THSD4: variants seen among roughly 807,000 people sequenced by gnomAD.
The protein encoded by THSD4 is thrombospondin type-1 domain-containing protein 4.
A neutral mutation model predicts 119.0 loss-of-function variants in THSD4; 69 were observed. That is an observed-to-expected ratio of 0.58 (90% confidence interval 0.48 to 0.71). THSD4 has a LOEUF of 0.71. THSD4 is among the 30% of genes least tolerant of loss of function. The probability of loss-of-function intolerance (pLI) is 0.00; values close to 1 mark genes in which losing one functional copy is unlikely to be tolerated. For missense variants in THSD4, 1,393 were observed against 1,391.1 expected, an observed-to-expected ratio of 1.00 and a Z score of -0.02; for synonymous variants, 524 against 540.4, an observed-to-expected ratio of 0.97 and a Z score of 0.42.
chr15:71,381,387 TA>T (rs1478441048), intron 6 of THSD4, among the ~76,000 whole-genome samples: 1 of 152,218 alleles, frequency 6.6e-6, no homozygotes, highest in African/African-American at 2.4e-5. Context: ...TGACTTAATA[TA>T]AAAACCTGCC....
chr15:71,155,021 G>A, intron 3 of THSD4, 89 bp downstream of exon 3: 5 of 1,250,678 alleles, frequency 4.0e-6, no homozygotes, highest in Admixed American at 3.4e-5. Flanking sequence ...CTGTTTGAAG[G>A]TGAGTCACCA....
intron 2 of THSD4, among the ~76,000 whole-genome samples, chr15:71,144,748 TA>T (rs1567137351): frequency 6.6e-6 from 1 of 152,058 alleles, no homozygotes; most frequent in South Asian, 2.1e-4. Flanking sequence ...TGTGTAGTAA[TA>T]AAAAGAATCA....
intron 7 of THSD4, among the ~76,000 whole-genome samples, chr15:71,439,159 G>A (rs1421910392): frequency 1.3e-5 from 2 of 152,172 alleles, no homozygotes; most frequent in African/African-American, 4.8e-5. Flanking sequence ...GCTCCCATAG[G>A]CGGCTCTTGA....
chr15:71,605,336 C>A (rs548407232), intron 7 of THSD4, among the ~76,000 whole-genome samples: 133 of 152,304 alleles, frequency 8.7e-4, no homozygotes, highest in Middle Eastern at 3.4e-3. Context: ...ACTTCAGAGT[C>A]GTTCTAAGTA....
At chr15:71,169,486 G>A (rs1441332000) in intron 3 of THSD4, among the ~76,000 whole-genome samples, 1 of 152,102 alleles carries the variant, frequency 6.6e-6, no homozygotes, top group Non-Finnish European at 1.5e-5. Context: ...ATTCAGAGTA[G>A]TTTCCTTTAC....
At chr15:71,456,294 C>G (rs1371633935) in intron 7 of THSD4, among the ~76,000 whole-genome samples, 1 of 152,168 alleles carries the variant, frequency 6.6e-6, no homozygotes, top group Non-Finnish European at 1.5e-5. Context: ...TAATGCATTT[C>G]TTTTTCCTAA....
chr15:71,515,417 G>A (rs2048344836), intron 7 of THSD4, among the ~76,000 whole-genome samples: 1 of 152,178 alleles, frequency 6.6e-6, no homozygotes, highest in Non-Finnish European at 1.5e-5. Context: ...AGAAACAGAA[G>A]TGATCCTGGG....
chr15:71,500,509 T>C (rs527744460), intron 7 of THSD4, among the ~76,000 whole-genome samples: 2 of 152,364 alleles, frequency 1.3e-5, no homozygotes, highest in Middle Eastern at 3.4e-3. Context: ...TTTTTGTTTT[T>C]ATTGCCTGTG....
intron 8 of THSD4, among the ~76,000 whole-genome samples, chr15:71,686,759 A>G (rs113288381): frequency 0.011 from 1,644 of 152,328 alleles, 36 homozygotes; most frequent in African/African-American, 0.038. Context: ...ACAGCCAGAT[A>G]GGAAATATTT....
At chr15:71,716,854 T>C (rs2047685) in intron 8 of THSD4, among the ~76,000 whole-genome samples, 137,094 of 152,182 alleles carry the variant, frequency 0.9, 63,248 homozygotes, top group Non-Finnish European at 1. Flanking sequence ...TCCTGGACTT[T>C]CCTCATGTAG....
At chr15:71,657,041 T>C (rs4353445) in intron 7 of THSD4, among the ~76,000 whole-genome samples, 148,224 of 152,258 alleles carry the variant, frequency 0.97, 72,283 homozygotes, top group East Asian at 1. Context: ...CCTCCAGACT[T>C]TATGTACCCA....
intron 13 of THSD4, 60 bp from the exon 14 acceptor site, chr15:71,748,361 G>C: frequency 6.3e-7 from 1 of 1,595,590 alleles, no homozygotes; most frequent in Non-Finnish European, 8.6e-7. Flanking sequence ...CTCCATACTG[G>C]CAATTCTCTC....
intron 3 of THSD4, among the ~76,000 whole-genome samples, chr15:71,192,278 G>A (rs554134469): frequency 6.6e-6 from 1 of 151,374 alleles, no homozygotes; most frequent in African/African-American, 2.4e-5. Context: ...AAATTCCTTT[G>A]GTGGATTTAT....
rs989975856 is a variant in THSD4 at position 71,634,142 on chromosome 15, G to A, written c.1153-26388G>A. 6.0e-5 allele frequency among the ~76,000 whole-genome samples: 9 copies of A among 150,158 alleles called. No homozygotes were observed. The East Asian group carries it at 7.8e-4, about 13-fold the overall frequency. ...GAGGAGGTTTCAGTGAGCCGAGATCGCACCATTGCACTCCAGCCTGGGCAA... is the reference window on the plus strand; with the variant it reads ...GAGGAGGTTTCAGTGAGCCGAGATCACACCATTGCACTCCAGCCTGGGCAA... On this transcript the variant is annotated intron_variant, in intron 7 of 17. Transcript: ENST00000261862.
chr15:71,746,266 C>T (rs888900033), intron 12 of THSD4, among the ~76,000 whole-genome samples: 105 of 151,734 alleles, frequency 6.9e-4, no homozygotes, highest in African/African-American at 2.3e-3. Context: ...ATCATTTGTA[C>T]GTTTTCAGTT....
chr15:71,271,685 C>G (rs1264118729), intron 6 of THSD4, among the ~76,000 whole-genome samples: 1 of 152,188 alleles, frequency 6.6e-6, no homozygotes, highest in African/African-American at 2.4e-5. Context: ...CTCATTGTCT[C>G]ACTCTCTGCC....
At chr15:71,764,451 CAAG>C (rs1037822407) in intron 15 of THSD4, among the ~76,000 whole-genome samples, 2 of 152,224 alleles carry the variant, frequency 1.3e-5, no homozygotes, top group African/African-American at 2.4e-5. Flanking sequence ...CATTAGGAAA[CAAG>C]AAGATTGGGC....
chr15:71,214,517 C>G (rs576360412), intron 3 of THSD4, among the ~76,000 whole-genome samples: 10 of 152,188 alleles, frequency 6.6e-5, no homozygotes, highest in Non-Finnish European at 1.2e-4. Context: ...TGTGAAGGTC[C>G]GCAGCTTCAT....
chr15:71,193,523 A>G (rs1333507825), intron 3 of THSD4, among the ~76,000 whole-genome samples: 1 of 152,066 alleles, frequency 6.6e-6, no homozygotes, highest in African/African-American at 2.4e-5. Flanking sequence ...AACCTTGGTT[A>G]CCTAAAGGAA....
Sources: gnomAD v4.1 joint callset for allele counts (sites outside exome capture counted in the v4.1 genomes callset) on GRCh38, gnomAD v4.1.1 for gene constraint, MANE v1.5 for transcripts, NCBI Gene and HGNC (gene_info 2026-07-23, HGNC 2026-07-21) for gene names.